ADGRL3: variants seen among roughly 807,000 people sequenced by gnomAD.
ADGRL3 encodes calcium-independent alpha-latrotoxin receptor 3.
A neutral mutation model predicts 153.5 loss-of-function variants in ADGRL3; 62 were observed. The observed-to-expected ratio is 0.40, with a 90% CI of 0.33 to 0.50. The LOEUF (loss-of-function observed/expected upper bound fraction) is 0.50. Among genes scored for constraint, ADGRL3 ranks in the 20% least tolerant of loss-of-function variants. The probability of loss-of-function intolerance (pLI) is 0.47; values close to 1 mark genes in which losing one functional copy is unlikely to be tolerated. For missense variants in ADGRL3, 1,641 were observed against 1,859.4 expected, an observed-to-expected ratio of 0.88 and a Z score of 2.16; for synonymous variants, 710 against 672.5, an observed-to-expected ratio of 1.06 and a Z score of -0.86.
At position 61,640,904 on chromosome 4, in the gene ADGRL3, T is replaced by G. The variant is rs552189372; in HGVS notation, c.474-35922T>G. 7.2e-5 allele frequency among the ~76,000 whole-genome samples: 11 copies of G among 152,332 alleles called. No individual in the cohort carries two copies. The East Asian group carries it at 2.1e-3, about 29-fold the overall frequency. ...TGAGAGAACAAGGTTCTGCTTAATA[T>G]TCTTCTAATACTCAGTTTGTTGGAT... is the stretch of plus-strand genomic sequence containing the variant. On this transcript the variant is annotated intron_variant, in intron 5 of 26. Coordinates refer to ENST00000683033, the MANE Select transcript of ADGRL3 (RefSeq NM_001387552.1).
At chr4:61,465,469 T>C (rs2097867600) in intron 2 of ADGRL3, among the ~76,000 whole-genome samples, 1 of 152,022 alleles carries the variant, frequency 6.6e-6, no homozygotes, top group Non-Finnish European at 1.5e-5. Context: ...ATAATTGAGA[T>C]ACAATTGCAA....
chr4:61,462,846 G>T (rs552537235), intron 2 of ADGRL3, among the ~76,000 whole-genome samples: 34 of 152,230 alleles, frequency 2.2e-4, no homozygotes, highest in African/African-American at 7.9e-4. Context: ...AAAAGGAAGA[G>T]AACCAAAGCT....
chr4:61,348,998 A>C, intron 1 of ADGRL3, among the ~76,000 whole-genome samples: 1 of 152,016 alleles, frequency 6.6e-6, no homozygotes, highest in African/African-American at 2.4e-5. Context: ...AGAAGTTTGA[A>C]TATAGCAGTC....
At chr4:61,974,787 C>G (rs1039439633) in intron 17 of ADGRL3, among the ~76,000 whole-genome samples, 1 of 152,188 alleles carries the variant, frequency 6.6e-6, no homozygotes, top group Non-Finnish European at 1.5e-5. Flanking sequence ...TCGTTTGACA[C>G]GCTGACATTA....
chr4:61,443,260 C>T (rs560470099), intron 2 of ADGRL3, among the ~76,000 whole-genome samples: 1 of 152,234 alleles, frequency 6.6e-6, no homozygotes, highest in African/African-American at 2.4e-5. Context: ...AATAAATACT[C>T]TATTTTAAAA....
intron 17 of ADGRL3, among the ~76,000 whole-genome samples, chr4:61,951,154 G>A (rs1043480766): frequency 7.9e-5 from 12 of 152,118 alleles, no homozygotes; most frequent in Non-Finnish European, 1.5e-4. Context: ...CTCAGAGTAC[G>A]AGTCTCAATA....
rs570998699 is a variant in ADGRL3, at chr4:61,312,913, C to CT, written c.-239-70209dup. On this transcript the variant is annotated intron_variant, in intron 1 of 26. Transcript: ENST00000683033. ...TGAAACCATATGTCCAAACAAAACC[C>CT]TTCACATTAATGTTTGCAGCAGCCT... Among the ~76,000 whole-genome samples the CT allele has an allele frequency of 2.3e-4, 35 of 152,268 alleles. 1 individual carries two copies. The South Asian group carries it at 4.2e-3, about 18-fold the overall frequency.
intron 2 of ADGRL3, among the ~76,000 whole-genome samples, chr4:61,435,580 A>G (rs919061116): frequency 6.6e-6 from 1 of 152,124 alleles, no homozygotes; most frequent in African/African-American, 2.4e-5. Flanking sequence ...ATTGTATTTT[A>G]TATATTTTTG....
At chr4:61,914,885 G>A (rs149426817) in intron 13 of ADGRL3, among the ~76,000 whole-genome samples, 25 of 152,114 alleles carry the variant, frequency 1.6e-4, no homozygotes, top group East Asian at 1.5e-3. Flanking sequence ...CCAATGTGCC[G>A]TATTTTGGAG....
Position 61,757,688 on chromosome 4 carries a change from C to T in ADGRL3, c.1399+24134C>T, listed in dbSNP as rs1041803927. Among the ~76,000 whole-genome samples, 11 of 152,166 alleles carry T rather than the reference C, an allele frequency of 7.2e-5. No homozygotes were observed. In the South Asian group the frequency reaches 1.2e-3, roughly 17 times the overall value. On this transcript the variant is annotated intron_variant, in intron 8 of 26. Transcript: ENST00000683033. ...CTTTTGAATGTGTTTGCTCTTGCTT[C>T]TCTAGTTCTTTTAATTGTGATGTTA...
At chr4:61,441,688 T>A (rs2097530648) in intron 2 of ADGRL3, among the ~76,000 whole-genome samples, 1 of 152,110 alleles carries the variant, frequency 6.6e-6, no homozygotes, top group Non-Finnish European at 1.5e-5. Flanking sequence ...CCTGGCTAAT[T>A]TTTTTTCTAA....
chr4:61,971,665 A>G (rs2099028313), intron 17 of ADGRL3, among the ~76,000 whole-genome samples: 2 of 152,270 alleles, frequency 1.3e-5, no homozygotes, highest in Non-Finnish European at 2.9e-5. Context: ...TCCTTTGGGT[A>G]TATACCCAGT....
intron 2 of ADGRL3, among the ~76,000 whole-genome samples, chr4:61,395,445 A>T (rs1422633585): frequency 6.6e-6 from 1 of 151,992 alleles, no homozygotes; most frequent in East Asian, 1.9e-4. Flanking sequence ...CACCAAACTA[A>T]CCAGGGTGTT....
chr4:61,297,101 TG>T (rs1262272145), intron 1 of ADGRL3, among the ~76,000 whole-genome samples: 1 of 152,206 alleles, frequency 6.6e-6, no homozygotes, highest in Non-Finnish European at 1.5e-5. Context: ...AGTCATTATA[TG>T]TTTCTTAATA....
At chr4:61,721,411 G>A (rs1020463013) in intron 6 of ADGRL3, among the ~76,000 whole-genome samples, 16 of 152,158 alleles carry the variant, frequency 1.1e-4, no homozygotes, top group Non-Finnish European at 2.4e-4. Flanking sequence ...ATGTGTGAGG[G>A]CAGGAAGCAT....
At chr4:61,597,557 T>C (rs1045961440) in intron 5 of ADGRL3, among the ~76,000 whole-genome samples, 9 of 152,052 alleles carry the variant, frequency 5.9e-5, no homozygotes, top group African/African-American at 2.2e-4. Context: ...TTATGACAGT[T>C]CTTTACCAAT....
chr4:62,041,692 C>A (rs1242157153), intron 24 of ADGRL3, among the ~76,000 whole-genome samples: 1 of 151,986 alleles, frequency 6.6e-6, no homozygotes, highest in Non-Finnish European at 1.5e-5. Flanking sequence ...CTTTATTAAA[C>A]CTTTGTTTAA....
At chr4:61,433,003 G>T (rs988847511) in intron 2 of ADGRL3, among the ~76,000 whole-genome samples, 1 of 151,914 alleles carries the variant, frequency 6.6e-6, no homozygotes, top group African/African-American at 2.4e-5. Context: ...CTAGATCAAA[G>T]ATGCATAGAA....
chr4:61,870,295 A>G (rs1347676444), intron 9 of ADGRL3, among the ~76,000 whole-genome samples: 3 of 152,190 alleles, frequency 2.0e-5, no homozygotes, highest in Non-Finnish European at 4.4e-5. Flanking sequence ...CCCTTATACT[A>G]TACACAAAAA....
Sources: allele counts gnomAD v4.1 joint callset (sites outside exome capture counted in the v4.1 genomes callset), GRCh38; gene constraint gnomAD v4.1.1; transcripts MANE v1.5; gene names NCBI Gene and HGNC (gene_info 2026-07-23, HGNC 2026-07-21).